Variants in ANKRD12 observed in about 807,000 individuals in gnomAD.
The protein encoded by ANKRD12 is ankyrin repeat domain-containing protein 12.
In ANKRD12, 85 loss-of-function variants were observed where a neutral mutation model predicts 183.4. The observed-to-expected ratio is 0.46, with a 90% confidence interval of 0.39 to 0.56. The LOEUF (loss-of-function observed/expected upper bound fraction) is 0.56, where lower values mean the gene tolerates loss of function less well. ANKRD12 is among the 20% of genes least tolerant of loss of function. The pLI, the probability that ANKRD12 is intolerant of heterozygous loss-of-function variation, is 0.00. For synonymous variants in ANKRD12, 914 were observed against 800.2 expected (o/e 1.14, Z -2.40); for missense variants, 2,405 against 2,357.1 (o/e 1.02, Z -0.42).
intron 8 of ANKRD12, among the ~76,000 whole-genome samples, chr18:9,232,776 T>TATC (rs2037124634): frequency 6.6e-6 from 1 of 152,204 alleles, no homozygotes; most frequent in African/African-American, 2.4e-5. Context: ...GTATCCCATA[T>TATC]ATCACAAAGA....
intron 10 of ANKRD12, among the ~76,000 whole-genome samples, chr18:9,265,117 A>G (rs139985660): frequency 1.3e-5 from 2 of 152,366 alleles, no homozygotes; most frequent in African/African-American, 2.4e-5. Context: ...TAGGTGAACA[A>G]AGTGGCCAGG....
At chr18:9,158,700 T>C (rs1376534350) in intron 1 of ANKRD12, among the ~76,000 whole-genome samples, 2 of 152,212 alleles carry the variant, frequency 1.3e-5, no homozygotes, top group Non-Finnish European at 2.9e-5. Context: ...TTTTTTCTCC[T>C]CTTTCCATGC....
chr18:9,197,652 C>T (rs935422894), intron 3 of ANKRD12, among the ~76,000 whole-genome samples: 1 of 151,846 alleles, frequency 6.6e-6, no homozygotes, highest in African/African-American at 2.4e-5. Flanking sequence ...ACTCTTTAAG[C>T]TAGAGAAAAA....
At chr18:9,169,647 A>G (rs946267414) in intron 1 of ANKRD12, among the ~76,000 whole-genome samples, 10 of 152,118 alleles carry the variant, frequency 6.6e-5, no homozygotes, top group East Asian at 3.9e-4. Context: ...GCACACTGAT[A>G]GGTCTTGACT....
At chr18:9,157,546 T>TGG (rs2030683253) in intron 1 of ANKRD12, among the ~76,000 whole-genome samples, 1 of 128,218 alleles carries the variant, frequency 7.8e-6, no homozygotes, top group African/African-American at 3.6e-5. Flanking sequence ...TTATGGTGTG[T>TGG]GTGGGTGTGT....
chr18:9,150,987 C>T (rs1248637175), intron 1 of ANKRD12, among the ~76,000 whole-genome samples: 1 of 152,022 alleles, frequency 6.6e-6, no homozygotes, highest in African/African-American at 2.4e-5. Context: ...ATGCTAATTT[C>T]TTGATCTGGA....
chr18:9,214,052 A>G (rs1275224227), intron 6 of ANKRD12, among the ~76,000 whole-genome samples: 2 of 151,644 alleles, frequency 1.3e-5, no homozygotes, highest in South Asian at 2.1e-4. Context: ...GTGTAGGTCT[A>G]CTTATATGTG....
chr18:9,186,234 A>G (rs1427129539), intron 2 of ANKRD12, among the ~76,000 whole-genome samples: 1 of 151,924 alleles, frequency 6.6e-6, no homozygotes, highest in Non-Finnish European at 1.5e-5. Context: ...AAGTGTAGCA[A>G]CAATAGCAAA....
chr18:9,248,968 A>G (rs2038124597), intron 8 of ANKRD12, among the ~76,000 whole-genome samples: 1 of 152,184 alleles, frequency 6.6e-6, no homozygotes, highest in Admixed American at 6.5e-5. Context: ...ATATATTTGT[A>G]TTTCATGTTT....
intron 6 of ANKRD12, among the ~76,000 whole-genome samples, chr18:9,215,850 G>A (rs1474031735): frequency 6.6e-6 from 1 of 152,026 alleles, no homozygotes; most frequent in Non-Finnish European, 1.5e-5. Context: ...ATGGATCTTG[G>A]AGAAATTGAG....
intron 1 of ANKRD12, among the ~76,000 whole-genome samples, chr18:9,173,449 A>G (rs73392344): frequency 0.011 from 1,679 of 152,206 alleles, 38 homozygotes; most frequent in African/African-American, 0.038. Flanking sequence ...TTCTTTTAAC[A>G]GTCAGTGCAC....
At chr18:9,189,286 A>G (rs760647908) in intron 2 of ANKRD12, among the ~76,000 whole-genome samples, 4 of 152,244 alleles carry the variant, frequency 2.6e-5, no homozygotes, top group Admixed American at 6.5e-5. Flanking sequence ...TGGAAGCTGC[A>G]GAAGAAAAGT....
At chr18:9,223,315 G>A (rs373102487) in intron 8 of ANKRD12, among the ~76,000 whole-genome samples, 29 of 151,604 alleles carry the variant, frequency 1.9e-4, no homozygotes, top group East Asian at 1.8e-3. Context: ...GTGCAGTGGC[G>A]TGATCTCGGC....
intron 12 of ANKRD12, 127 bp downstream of exon 12, chr18:9,279,771 T>A: frequency 1.7e-6 from 1 of 579,358 alleles, no homozygotes; most frequent in Non-Finnish European, 3.1e-6. Context: ...ATCCTCACAC[T>A]GGGCCACAAT....
rs2030610662 is a variant in ANKRD12 at position 9,157,201 on chromosome 18, CAT to C, written c.-52+20238_-52+20239del. On this transcript the variant is annotated intron_variant, in intron 1 of 12. Coordinates refer to ENST00000262126, the MANE Select transcript of ANKRD12 (RefSeq NM_015208.5). ...TTAATACACCTAGTCTACTGAACAT[CAT>C]AGCTTAGACTAGCCTCTGTAAATGT... Among the ~76,000 whole-genome samples, 3 of 152,160 alleles carry C rather than the reference CAT, an allele frequency of 2.0e-5. No homozygotes were observed. The South Asian group carries it at 6.2e-4, about 32-fold the overall frequency.
In ANKRD12 at chr18:9,191,915, A is replaced by G. The variant is rs137864748; in HGVS notation, c.88-3636A>G. On this transcript the variant is annotated intron_variant, in intron 2 of 12. Coordinates refer to ENST00000262126, the MANE Select transcript of ANKRD12 (RefSeq NM_015208.5). The stretch of plus-strand genomic sequence containing the variant: ...ACCCCAGAACCCACTGAAATTATTC[A>G]AGGTAGCCAATCCCAAGCCTGCTTA... Among the ~76,000 whole-genome samples, 995 of 152,296 alleles carry G rather than the reference A, an allele frequency of 6.5e-3. 8 individuals carry two copies. Among genetic ancestry groups the G allele is most frequent in the Middle Eastern group, 0.017 (5 of 294 alleles).
At chr18:9,229,876 T>C (rs1288798844) in intron 8 of ANKRD12, among the ~76,000 whole-genome samples, 1 of 152,194 alleles carries the variant, frequency 6.6e-6, no homozygotes, top group Non-Finnish European at 1.5e-5. Context: ...TTTGCTAATA[T>C]TTTGTTGAGG....
chr18:9,208,158 T>C (rs2035589794), intron 4 of ANKRD12, among the ~76,000 whole-genome samples: 1 of 152,206 alleles, frequency 6.6e-6, no homozygotes, highest in African/African-American at 2.4e-5. Flanking sequence ...ATTTGGTACT[T>C]TTTTTCGATA....
chr18:9,191,994 A>G (rs1348466017), intron 2 of ANKRD12, among the ~76,000 whole-genome samples: 2 of 152,042 alleles, frequency 1.3e-5, no homozygotes, highest in African/African-American at 4.8e-5. Flanking sequence ...TCTTGCTCAC[A>G]TTTCACCTTT....
Sources: allele counts gnomAD v4.1 joint callset (sites outside exome capture counted in the v4.1 genomes callset), GRCh38; gene constraint gnomAD v4.1.1; transcripts MANE v1.5; gene names NCBI Gene and HGNC (gene_info 2026-07-23, HGNC 2026-07-21).